CFAP299: variants seen among roughly 807,000 people sequenced by gnomAD.
CFAP299 encodes the protein cilia and flagella associated protein 299.
In CFAP299, 21 loss-of-function variants were observed where a neutral mutation model predicts 27.0. The ratio of observed to expected loss-of-function variants is 0.78; its 90% confidence interval spans 0.55 to 1.12. The LOEUF (loss-of-function observed/expected upper bound fraction) is 1.12, where lower values mean the gene tolerates loss of function less well. Ranked by LOEUF, CFAP299 falls within the 50% of genes most tolerant of loss-of-function variation. The probability of loss-of-function intolerance (pLI) is 0.00; values close to 1 mark genes in which losing one functional copy is unlikely to be tolerated. For synonymous variants in CFAP299, 104 were observed against 98.1 expected, an observed-to-expected ratio of 1.06 and a Z score of -0.36; for missense variants, 310 against 276.6, an observed-to-expected ratio of 1.12 and a Z score of -0.86.
chr4:80,534,669 ATACT>A (rs1333158025), intron 2 of CFAP299, among the ~76,000 whole-genome samples: 1 of 152,126 alleles, frequency 6.6e-6, no homozygotes, highest in African/African-American at 2.4e-5. Flanking sequence ...AAGTATAAAG[ATACT>A]TTCTTCTTGT....
intron 2 of CFAP299, among the ~76,000 whole-genome samples, chr4:80,366,671 A>G (rs188723629): frequency 1.3e-5 from 2 of 152,316 alleles, no homozygotes; most frequent in Admixed American, 6.5e-5. Flanking sequence ...AAAAAATTCA[A>G]CGTAGAGTTA....
At chr4:80,553,609 T>C (rs977256505) in intron 2 of CFAP299, among the ~76,000 whole-genome samples, 2 of 152,208 alleles carry the variant, frequency 1.3e-5, no homozygotes, top group African/African-American at 4.8e-5. Context: ...TTTGAACTAA[T>C]TTGCACTGCC....
chr4:80,438,935 T>A (rs545678224), intron 2 of CFAP299, among the ~76,000 whole-genome samples: 1 of 152,356 alleles, frequency 6.6e-6, no homozygotes, highest in African/African-American at 2.4e-5. Context: ...AGGTCTTTTT[T>A]GCAATGGTTA....
chr4:80,919,167 T>C (rs1735913595), intron 4 of CFAP299, among the ~76,000 whole-genome samples: 1 of 152,150 alleles, frequency 6.6e-6, no homozygotes. Flanking sequence ...CCCATTTAGT[T>C]CTAAATATTA....
chr4:80,950,024 T>C (rs969169385), intron 5 of CFAP299, among the ~76,000 whole-genome samples: 1 of 152,136 alleles, frequency 6.6e-6, no homozygotes, highest in Non-Finnish European at 1.5e-5. Flanking sequence ...TTTGAGTTGA[T>C]GCTTTCAATA....
chr4:80,550,027 G>A (rs528540723), intron 2 of CFAP299, among the ~76,000 whole-genome samples: 7 of 151,912 alleles, frequency 4.6e-5, no homozygotes, highest in African/African-American at 1.4e-4. Context: ...ATTAGGTTAT[G>A]TTATAAATTA....
At chr4:80,947,200 A>G (rs1400115166) in intron 5 of CFAP299, among the ~76,000 whole-genome samples, 1 of 152,208 alleles carries the variant, frequency 6.6e-6, no homozygotes, top group African/African-American at 2.4e-5. Context: ...ATTAGATTTT[A>G]TGATAAATTT....
chr4:80,475,001 G>A (rs568918212), intron 2 of CFAP299, among the ~76,000 whole-genome samples: 1 of 152,304 alleles, frequency 6.6e-6, no homozygotes, highest in South Asian at 2.1e-4. Context: ...CCCCAGCAGA[G>A]GTTTGTCAGC....
intron 2 of CFAP299, among the ~76,000 whole-genome samples, chr4:80,558,106 A>G (rs189987908): frequency 6.6e-5 from 10 of 152,226 alleles, no homozygotes; most frequent in African/African-American, 2.2e-4. Flanking sequence ...GAGAAATCCC[A>G]ATTAATATAA....
intron 3 of CFAP299, among the ~76,000 whole-genome samples, chr4:80,626,221 CATAA>C: frequency 6.6e-6 from 1 of 151,958 alleles, no homozygotes; most frequent in East Asian, 1.9e-4. Flanking sequence ...TTAGAATTAA[CATAA>C]ATTAATTAGA....
chr4:80,651,349 T>C (rs2109969777), intron 3 of CFAP299, among the ~76,000 whole-genome samples: 1 of 147,862 alleles, frequency 6.8e-6, no homozygotes, highest in Non-Finnish European at 1.5e-5. Flanking sequence ...CCTTCCTTCT[T>C]CTTTCTTTCT....
chr4:80,560,780 C>T (rs1735002750), intron 2 of CFAP299, among the ~76,000 whole-genome samples: 1 of 152,108 alleles, frequency 6.6e-6, no homozygotes, highest in African/African-American at 2.4e-5. Context: ...GGTCTGAGTG[C>T]CAGCTCAGCT....
intron 3 of CFAP299, among the ~76,000 whole-genome samples, chr4:80,640,159 G>A (rs2109957882): frequency 6.6e-6 from 1 of 152,320 alleles, no homozygotes; most frequent in East Asian, 1.9e-4. Flanking sequence ...TAAACTAAGT[G>A]TGGGGCTCTT....
At chr4:80,388,366 G>T (rs1725136512) in intron 2 of CFAP299, 3 of 682,318 alleles carry the variant, frequency 4.4e-6, no homozygotes, top group Non-Finnish European at 8.2e-6. Context: ...TGTATGTAGA[G>T]ATCTGGCAAT....
At chr4:80,549,483 C>T (rs372183358) in intron 2 of CFAP299, among the ~76,000 whole-genome samples, 2 of 152,236 alleles carry the variant, frequency 1.3e-5, no homozygotes, top group South Asian at 2.1e-4. Flanking sequence ...CAGATGTTCT[C>T]TGAAAAGACA....
intron 4 of CFAP299, among the ~76,000 whole-genome samples, chr4:80,941,478 T>C (rs997021483): frequency 2.0e-5 from 3 of 152,148 alleles, no homozygotes; most frequent in Non-Finnish European, 4.4e-5. Flanking sequence ...ATTGAAAATT[T>C]CATAGATTTA....
chr4:80,871,138 C>A (rs1488041719), intron 4 of CFAP299: 2 of 811,290 alleles, frequency 2.5e-6, no homozygotes, highest in African/African-American at 3.7e-5. Context: ...AACTCCTGAC[C>A]TCAGGTGATC....
chr4:80,323,965 T>A, the CFAP299 span, among the ~76,000 whole-genome samples: 125,196 of 152,136 alleles, frequency 0.82, 51,685 homozygotes, highest in African/African-American at 0.89. Flanking sequence ...TGTAAGAAAC[T>A]ATACTCCTTT....
chr4:80,698,508 G>A (rs1721255728), intron 3 of CFAP299, among the ~76,000 whole-genome samples: 1 of 152,140 alleles, frequency 6.6e-6, no homozygotes, highest in Non-Finnish European at 1.5e-5. Context: ...AATATTTTAG[G>A]TGCCTACTAT....
Sources: allele counts gnomAD v4.1 joint callset (sites outside exome capture counted in the v4.1 genomes callset), GRCh38; gene constraint gnomAD v4.1.1; transcripts MANE v1.5; gene names NCBI Gene and HGNC (gene_info 2026-07-23, HGNC 2026-07-21).